Variants in PARD3 observed in about 807,000 individuals in gnomAD.
The protein encoded by PARD3 is par-3 family cell polarity regulator.
In PARD3, 75 loss-of-function variants were observed where a neutral mutation model predicts 155.4. That is an observed-to-expected ratio of 0.48 (90% confidence interval 0.40 to 0.58). The LOEUF (loss-of-function observed/expected upper bound fraction) is 0.58, where lower values mean the gene tolerates loss of function less well. Among genes scored for constraint, PARD3 ranks in the 20% least tolerant of loss-of-function variants. The pLI, the probability that PARD3 is intolerant of heterozygous loss-of-function variation, is 0.00. For synonymous variants in PARD3, 576 were observed against 610.5 expected (o/e 0.94, Z 0.83); for missense variants, 1,642 against 1,721.7 (o/e 0.95, Z 0.82).
chr10:34,640,750 A>ACAC (rs2132939351), intron 2 of PARD3, among the ~76,000 whole-genome samples: 1 of 145,410 alleles, frequency 6.9e-6, no homozygotes, highest in African/African-American at 2.5e-5. Flanking sequence ...CTTTTAGGGA[A>ACAC]CACAATTTGA....
At chr10:34,515,576 C>T (rs529215013) in intron 3 of PARD3, among the ~76,000 whole-genome samples, 19 of 152,252 alleles carry the variant, frequency 1.2e-4, no homozygotes, top group East Asian at 9.7e-4. Context: ...CTCTGTATGG[C>T]GCATTGTCCT....
At chr10:34,360,319 T>G in intron 12 of PARD3, 60 bp from the exon 13 acceptor site, 1 of 1,242,648 alleles carries the variant, frequency 8.0e-7, no homozygotes, top group Non-Finnish European at 1.2e-6. Context: ...TCAAAGTTAT[T>G]TTTAAAGACT....
chr10:34,161,198 C>G (rs553411229), intron 22 of PARD3, among the ~76,000 whole-genome samples: 1 of 143,494 alleles, frequency 7.0e-6, no homozygotes, highest in African/African-American at 2.6e-5. Flanking sequence ...TGAGCCAAGA[C>G]TGTGCCACTG....
intron 22 of PARD3, among the ~76,000 whole-genome samples, chr10:34,153,385 G>A (rs1224291733): frequency 6.6e-6 from 1 of 152,190 alleles, no homozygotes; most frequent in Non-Finnish European, 1.5e-5. Context: ...ACATATTCAT[G>A]AGTGCAGAGA....
At chr10:34,776,036 G>A (rs567244174) in intron 1 of PARD3, among the ~76,000 whole-genome samples, 1 of 152,266 alleles carries the variant, frequency 6.6e-6, no homozygotes, top group African/African-American at 2.4e-5. Context: ...ATCAGCCTGG[G>A]CAACACAGTA....
At chr10:34,718,846 C>T (rs1283915426) in intron 1 of PARD3, among the ~76,000 whole-genome samples, 1 of 152,002 alleles carries the variant, frequency 6.6e-6, no homozygotes, top group African/African-American at 2.4e-5. Flanking sequence ...TGCCTTAATC[C>T]CAGCTACTTG....
intron 2 of PARD3, among the ~76,000 whole-genome samples, chr10:34,686,532 T>C (rs1225978798): frequency 6.6e-6 from 1 of 151,434 alleles, no homozygotes; most frequent in Non-Finnish European, 1.5e-5. Context: ...GATCAGGAGT[T>C]CGAGATCAGC....
At chr10:34,774,048 C>T (rs1839236396) in intron 1 of PARD3, among the ~76,000 whole-genome samples, 2 of 152,208 alleles carry the variant, frequency 1.3e-5, no homozygotes, top group African/African-American at 4.8e-5. Flanking sequence ...TCACCCACTA[C>T]TGCTTTCCAC....
In PARD3 at chr10:34,340,387, G is replaced by A. The variant is rs148697451; in HGVS notation, c.2408+1240C>T. Among the ~76,000 whole-genome samples, 3 of 152,236 alleles carry A rather than the reference G, an allele frequency of 2.0e-5. No individual in the cohort carries two copies. In the East Asian group the frequency reaches 5.8e-4, roughly 29 times the overall value. On this transcript the variant is annotated intron_variant, in intron 16 of 24. Transcript: ENST00000374788. ...AGAGATATGAGACACAGCAGTCAAT[G>A]TAACACCATCTGCAGATTTCAAATG...
chr10:34,688,890 G>T (rs1231708669), intron 2 of PARD3, among the ~76,000 whole-genome samples: 2 of 152,136 alleles, frequency 1.3e-5, no homozygotes, highest in Middle Eastern at 3.4e-3. Context: ...AATTCACAAC[G>T]ACCAAGTATA....
intron 5 of PARD3, among the ~76,000 whole-genome samples, chr10:34,448,301 C>T (rs12250387): frequency 0.46 from 68,939 of 150,434 alleles, 18,582 homozygotes; most frequent in African/African-American, 0.76. Flanking sequence ...AAAATCTGTA[C>T]GATTTTACTT....
At chr10:34,478,909 T>C (rs2078884996) in intron 3 of PARD3, among the ~76,000 whole-genome samples, 1 of 152,134 alleles carries the variant, frequency 6.6e-6, no homozygotes, top group Non-Finnish European at 1.5e-5. Flanking sequence ...TCTATACCAT[T>C]ACAATTCTCA....
At chr10:34,769,623 T>C (rs959223656) in intron 1 of PARD3, among the ~76,000 whole-genome samples, 5 of 151,830 alleles carry the variant, frequency 3.3e-5, no homozygotes, top group African/African-American at 1.2e-4. Flanking sequence ...TGGCACATAG[T>C]GGCACGTTCC....
At chr10:34,230,576 G>C (rs1952870193) in intron 22 of PARD3, among the ~76,000 whole-genome samples, 1 of 152,074 alleles carries the variant, frequency 6.6e-6, no homozygotes, top group South Asian at 2.1e-4. Flanking sequence ...TTTTCCTTTA[G>C]TCAACTGAAT....
intron 14 of PARD3, among the ~76,000 whole-genome samples, chr10:34,352,502 C>G (rs544384822): frequency 6.6e-6 from 1 of 152,214 alleles, no homozygotes; most frequent in Non-Finnish European, 1.5e-5. Context: ...CGCGCCGCCA[C>G]GCCTGACTGG....
intron 2 of PARD3, among the ~76,000 whole-genome samples, chr10:34,661,951 A>C (rs189793490): frequency 1.3e-5 from 2 of 152,290 alleles, no homozygotes; most frequent in East Asian, 3.9e-4. Flanking sequence ...GCCCCACTGG[A>C]AAGAAGGTCC....
chr10:34,405,999 T>C (rs1166586620), intron 5 of PARD3, among the ~76,000 whole-genome samples: 1 of 152,160 alleles, frequency 6.6e-6, no homozygotes, highest in Non-Finnish European at 1.5e-5. Flanking sequence ...TATATATACA[T>C]ATACAACCTC....
At chr10:34,196,577 T>C (rs926150202) in intron 22 of PARD3, among the ~76,000 whole-genome samples, 2 of 143,096 alleles carry the variant, frequency 1.4e-5, no homozygotes, top group East Asian at 2.0e-4. Context: ...TCTTTTTTTT[T>C]TTTTTTTTTT....
intron 14 of PARD3, among the ~76,000 whole-genome samples, chr10:34,353,421 A>G (rs977004482): frequency 7.9e-5 from 12 of 152,254 alleles, no homozygotes; most frequent in Admixed American, 5.2e-4. Flanking sequence ...CTTACCCCCA[A>G]CCCCGTGCTC....
Sources: gnomAD v4.1 joint callset for allele counts (sites outside exome capture counted in the v4.1 genomes callset) on GRCh38, gnomAD v4.1.1 for gene constraint, MANE v1.5 for transcripts, NCBI Gene and HGNC (gene_info 2026-07-23, HGNC 2026-07-21) for gene names.